The following NAV2 variants were observed in gnomAD, a reference collection of about 807,000 sequenced individuals.
NAV2 encodes neuron navigator 2, also known as helicase, APC down-regulated 1.
In NAV2, 54 loss-of-function variants were observed where a neutral mutation model predicts 223.2. That is an observed-to-expected ratio of 0.24 (90% CI 0.19 to 0.30). NAV2 has a LOEUF of 0.30. Among genes scored for constraint, NAV2 ranks in the 10% least tolerant of loss-of-function variants. The pLI, the probability that NAV2 is intolerant of heterozygous loss-of-function variation, is 1.00. For missense variants in NAV2, 2,806 were observed against 3,147.5 expected (o/e 0.89, Z 2.60); for synonymous variants, 1,279 against 1,239.3 (o/e 1.03, Z -0.67).
At chr11:19,832,350 A>ATT in intron 1 of NAV2, 134 bp from the exon 2 acceptor site, 1 of 703,290 alleles carries the variant, frequency 1.4e-6, no homozygotes, top group Non-Finnish European at 2.5e-6. Context: ...AATGCACTGA[A>ATT]TTTTAATGGT....
upstream of NAV2, among the ~76,000 whole-genome samples, chr11:19,346,699 C>T (rs915815836): frequency 1.3e-5 from 2 of 152,204 alleles, no homozygotes; most frequent in African/African-American, 4.8e-5. Context: ...CTGGGTCTGC[C>T]CTCCCTCCCC....
At chr11:19,533,651 C>G (rs2044093489) in intron 1 of NAV2, among the ~76,000 whole-genome samples, 1 of 152,094 alleles carries the variant, frequency 6.6e-6, no homozygotes, top group South Asian at 2.1e-4. Flanking sequence ...TTCTCTACCC[C>G]CACCCCCTCT....
intron 10 of NAV2, among the ~76,000 whole-genome samples, chr11:19,974,938 G>A (rs1439743300): frequency 6.6e-6 from 1 of 152,212 alleles, no homozygotes; most frequent in African/African-American, 2.4e-5. Context: ...ATGAAGCTGA[G>A]GCCTTGGAAT....
At chr11:19,827,908 G>T (rs913400475) in intron 1 of NAV2, among the ~76,000 whole-genome samples, 11 of 145,228 alleles carry the variant, frequency 7.6e-5, no homozygotes, top group South Asian at 4.7e-4. Flanking sequence ...AGGATCCTTT[G>T]TTCTATGAGT....
chr11:20,062,145 T>C (rs1292122864), intron 19 of NAV2, among the ~76,000 whole-genome samples, 162 bp from the exon 20 acceptor site: 1 of 152,244 alleles, frequency 6.6e-6, no homozygotes, highest in African/African-American at 2.4e-5. Context: ...CTATTACTTA[T>C]TTGTCACTGA....
At chr11:19,442,416 G>A (rs1211392009) in intron 1 of NAV2, among the ~76,000 whole-genome samples, 4 of 152,160 alleles carry the variant, frequency 2.6e-5, no homozygotes, top group Admixed American at 6.5e-5. Flanking sequence ...GGATAATTAC[G>A]TCTGTGGGTT....
At chr11:19,387,048 A>G (rs1201858123) in intron 1 of NAV2, among the ~76,000 whole-genome samples, 1 of 152,080 alleles carries the variant, frequency 6.6e-6, no homozygotes, top group African/African-American at 2.4e-5. Context: ...TTTTTGTTCC[A>G]TTTCAAAATT....
In NAV2 at chr11:20,044,066, G is replaced by A. The variant is rs1360202249; in HGVS notation, c.2993G>A (p.Ser998Asn). ...AAGAAATCAGACGGAGGCTCAGACA[G>A]CGGCATAAAAATGGAGCCAGGTTCC... is the stretch of plus-strand genomic sequence containing the variant. Reference protein sequence around the residue: ...DVKKSDGGSDSGIKMEPGSKW... With the variant: ...DVKKSDGGSDNGIKMEPGSKW... Residue 998 changes from serine (S) to asparagine (N), a missense_variant, in exon 13 of 38, where the codon AGC becomes AAC. Physicochemically the swap from Ser to Asn is conservative, Grantham distance 46. Around this residue, in one of 4 missense-constraint regions of NAV2, gnomAD observed 742 missense variants for 777.9 expected, o/e 0.95. Transcript: ENST00000349880. 2 of 1,614,202 alleles carry A rather than the reference G, an allele frequency of 1.2e-6. No individual in the cohort carries two copies. Among genetic ancestry groups the A allele is most frequent in the Non-Finnish European group, 1.7e-6 (2 of 1,180,024 alleles).
At chr11:19,755,630 G>C (rs1018598627) in intron 1 of NAV2, among the ~76,000 whole-genome samples, 1 of 152,134 alleles carries the variant, frequency 6.6e-6, no homozygotes, top group African/African-American at 2.4e-5. Flanking sequence ...GGCATTCCTT[G>C]GTTTGTAGAT....
chr11:19,486,676 T>G (rs1463685208), intron 1 of NAV2, among the ~76,000 whole-genome samples: 1 of 152,196 alleles, frequency 6.6e-6, no homozygotes. Flanking sequence ...TGTGAGTCAA[T>G]TAAACCTCTT....
chr11:19,761,371 T>C (rs984051030), intron 1 of NAV2, among the ~76,000 whole-genome samples: 1 of 152,206 alleles, frequency 6.6e-6, no homozygotes, highest in African/African-American at 2.4e-5. Context: ...TTTATTTCAG[T>C]GAGCGACAAG....
chr11:19,809,382 A>G (rs537925418), intron 1 of NAV2, among the ~76,000 whole-genome samples: 6 of 152,326 alleles, frequency 3.9e-5, no homozygotes, highest in Admixed American at 2.0e-4. Context: ...TGGGTTTTCA[A>G]ACCTGGTTGC....
chr11:20,092,945 T>C (rs1019638329), intron 28 of NAV2, among the ~76,000 whole-genome samples, 154 bp from the exon 29 acceptor site: 45 of 151,968 alleles, frequency 3.0e-4, no homozygotes, highest in Non-Finnish European at 5.4e-4. Flanking sequence ...GTGATTGCAT[T>C]CTCCATTTTG....
intron 1 of NAV2, among the ~76,000 whole-genome samples, chr11:19,817,744 C>T (rs2059166969): frequency 6.6e-6 from 1 of 152,158 alleles, no homozygotes. Context: ...ACCCACTTGG[C>T]CCTGTAAATA....
intron 1 of NAV2, among the ~76,000 whole-genome samples, chr11:19,750,279 C>T (rs2053698948): frequency 6.6e-6 from 1 of 152,212 alleles, no homozygotes; most frequent in Non-Finnish European, 1.5e-5. Flanking sequence ...AAATGGCCTT[C>T]GTTTCTAAAA....
At chr11:19,568,570 A>G (rs1368409720) in intron 1 of NAV2, among the ~76,000 whole-genome samples, 2 of 152,228 alleles carry the variant, frequency 1.3e-5, no homozygotes, top group Non-Finnish European at 2.9e-5. Flanking sequence ...TCTCTCCTGG[A>G]GCACTGTTTG....
chr11:19,384,249 G>A (rs1848950309), intron 1 of NAV2, among the ~76,000 whole-genome samples: 1 of 152,230 alleles, frequency 6.6e-6, no homozygotes, highest in African/African-American at 2.4e-5. Context: ...TCTCTATGGA[G>A]TGGTATTTGT....
At chr11:19,895,358 T>TGA (rs2041889888) in intron 6 of NAV2, among the ~76,000 whole-genome samples, 2 of 152,166 alleles carry the variant, frequency 1.3e-5, no homozygotes, top group Non-Finnish European at 2.9e-5. Flanking sequence ...ATTGCAGGTG[T>TGA]GAGCCACTGC....
chr11:19,700,232 T>C (rs2049472891), intron 1 of NAV2, among the ~76,000 whole-genome samples: 1 of 152,198 alleles, frequency 6.6e-6, no homozygotes, highest in Non-Finnish European at 1.5e-5. Context: ...GGAGGGACTG[T>C]TATAAACTCT....
Sources: allele counts gnomAD v4.1 joint callset (sites outside exome capture counted in the v4.1 genomes callset), GRCh38; gene constraint gnomAD v4.1.1; regional missense constraint gnomAD v4.1.1; transcripts MANE v1.5; gene names NCBI Gene and HGNC (gene_info 2026-07-23, HGNC 2026-07-21).